The following VRK2 variants were observed in gnomAD, a reference collection of about 807,000 sequenced individuals.
VRK2 encodes VRK serine/threonine kinase 2.
In VRK2, 60 loss-of-function variants were observed where a neutral mutation model predicts 57.6. The observed-to-expected ratio is 1.04, with a 90% CI of 0.85 to 1.29. The LOEUF (loss-of-function observed/expected upper bound fraction) is 1.29. Among genes scored for constraint, VRK2 ranks in the 50% most tolerant of loss-of-function variants. The pLI, the probability that VRK2 is intolerant of heterozygous loss-of-function variation, is 0.00. For synonymous variants in VRK2, 231 were observed against 199.2 expected, an observed-to-expected ratio of 1.16 and a Z score of -1.35; for missense variants, 705 against 588.1, an observed-to-expected ratio of 1.20 and a Z score of -2.06.
chr2:57,942,862 G>C (rs1437434198), intron 1 of VRK2, among the ~76,000 whole-genome samples: 1 of 152,156 alleles, frequency 6.6e-6, no homozygotes, highest in African/African-American at 2.4e-5. Flanking sequence ...ACAGGCTCCT[G>C]CATATATCTC....
chr2:57,951,104 T>C (rs904354948), intron 1 of VRK2, among the ~76,000 whole-genome samples: 1 of 151,818 alleles, frequency 6.6e-6, no homozygotes, highest in African/African-American at 2.4e-5. Flanking sequence ...AAAAAAATAA[T>C]AAATAAATAA....
upstream of VRK2, chr2:58,046,584 C>T (rs2103743876): frequency 7.1e-6 from 7 of 985,612 alleles, no homozygotes; most frequent in Non-Finnish European, 8.4e-6. Flanking sequence ...GAGGTAGTAA[C>T]ACAGCTCCCA....
At chr2:58,117,618 G>A (rs966135449) in intron 7 of VRK2, among the ~76,000 whole-genome samples, 1 of 152,124 alleles carries the variant, frequency 6.6e-6, no homozygotes, top group African/African-American at 2.4e-5. Context: ...GTAAAAGAAT[G>A]CCTGGACGTC....
rs1272065236 is a variant in VRK2 at position 58,075,640 on chromosome 2, AC to A, written c.137-8447del. 3.8e-4 allele frequency among the ~76,000 whole-genome samples: 58 copies of A among 152,138 alleles called. 1 individual carries two copies. Among genetic ancestry groups the A allele is most frequent in the African/African-American group, 1.3e-3 (52 of 41,534 alleles). On this transcript the variant is annotated intron_variant, in intron 2 of 12. Transcript: ENST00000340157. ...TGGATTTACCTAATGATAAGTATAAACCTATTTTTTTGGTGGGGGGCCTATG... is the reference window on the plus strand; with the variant it reads ...TGGATTTACCTAATGATAAGTATAAACTATTTTTTTGGTGGGGGGCCTATG...
At chr2:57,937,232 G>C (rs1670943059) in intron 1 of VRK2, among the ~76,000 whole-genome samples, 1 of 152,126 alleles carries the variant, frequency 6.6e-6, no homozygotes, top group African/African-American at 2.4e-5. Flanking sequence ...TTGCTTTGGG[G>C]ACCTAGGATA....
intron 9 of VRK2, among the ~76,000 whole-genome samples, chr2:58,134,241 C>T (rs1679639545): frequency 6.6e-6 from 1 of 152,112 alleles, no homozygotes; most frequent in Non-Finnish European, 1.5e-5. Flanking sequence ...GGAAGGTCAC[C>T]CTCTCCCTTC....
Position 58,151,743 on chromosome 2 carries a change from T to TG in VRK2, c.1182+5269_1182+5270insG, listed in dbSNP as rs1268189334. ...TGCTTCTATGCTTGTTTTTTTTTTT[T>TG]TTTTTTTTTTTTTTTTTTTTTTTTG... On this transcript the variant is annotated intron_variant, in intron 12 of 12. Coordinates refer to ENST00000340157, the MANE Select transcript of VRK2 (RefSeq NM_006296.7). Among the ~76,000 whole-genome samples, 38 of 106,260 alleles carry TG rather than the reference T, an allele frequency of 3.6e-4. 1 individual carries two copies. Among genetic ancestry groups the TG allele is most frequent in the African/African-American group, 1.6e-3 (38 of 23,672 alleles). 69.7% of individuals were successfully genotyped at this position (106,260 alleles called of 152,430 possible).
chr2:57,910,929 T>C (rs541131695), intron 1 of VRK2, among the ~76,000 whole-genome samples: 93 of 152,314 alleles, frequency 6.1e-4, no homozygotes, highest in African/African-American at 2.2e-3. Flanking sequence ...ACACAGAGTT[T>C]GCAGACTAGG....
intron 7 of VRK2, among the ~76,000 whole-genome samples, chr2:58,107,241 G>T (rs1674890440): frequency 6.6e-6 from 1 of 152,062 alleles, no homozygotes; most frequent in Non-Finnish European, 1.5e-5. Flanking sequence ...CTTTAAAGTT[G>T]CTGAATACAT....
At chr2:58,135,241 G>T in intron 10 of VRK2, 42 bp downstream of exon 10, 1 of 1,610,032 alleles carries the variant, frequency 6.2e-7, no homozygotes. Flanking sequence ...ACGATTTACA[G>T]GTTGCCACAT....
At chr2:57,936,839 G>A (rs577271705) in intron 1 of VRK2, among the ~76,000 whole-genome samples, 2 of 152,254 alleles carry the variant, frequency 1.3e-5, no homozygotes, top group South Asian at 2.1e-4. Context: ...ATCCAGCTCT[G>A]CATTCAATTA....
chr2:58,106,888 A>G (rs1674834589), intron 7 of VRK2, among the ~76,000 whole-genome samples: 1 of 152,116 alleles, frequency 6.6e-6, no homozygotes, highest in African/African-American at 2.4e-5. Flanking sequence ...TACTTTGTCT[A>G]CATGGAATTG....
Position 58,123,128 on chromosome 2 carries a change from T to A in VRK2, c.571T>A (p.Tyr191Asn), listed in dbSNP as rs1459697627. 4 of 1,601,284 alleles carry A rather than the reference T, an allele frequency of 2.5e-6. No individual in the cohort carries two copies. Among genetic ancestry groups the A allele is most frequent in the Non-Finnish European group, 3.4e-6 (4 of 1,176,474 alleles). Reference sequence around the variant, plus strand: ...TTATCTTGCAGATTATGGACTTTCCTACAGATATTGTCCCAATGGGAACCA... The same window carrying A: ...TTATCTTGCAGATTATGGACTTTCCAACAGATATTGTCCCAATGGGAACCA... ...QVYLADYGLS[Y>N]RYCPNGNHKQ... Residue 191 changes from tyrosine to asparagine, a missense_variant, in exon 8 of 13, where the codon TAC (tyrosine) becomes AAC (asparagine). Coordinates refer to ENST00000340157, the MANE Select transcript of VRK2 (RefSeq NM_006296.7).
chr2:58,067,448 ATATTT>A, intron 2 of VRK2, among the ~76,000 whole-genome samples: 1 of 152,280 alleles, frequency 6.6e-6, no homozygotes, highest in Non-Finnish European at 1.5e-5. Context: ...AATATTTATT[ATATTT>A]AAATGTAATT....
At chr2:57,934,618 G>C (rs972716708) in intron 1 of VRK2, among the ~76,000 whole-genome samples, 1 of 152,108 alleles carries the variant, frequency 6.6e-6, no homozygotes, top group Admixed American at 6.6e-5. Flanking sequence ...TGTTCCCCCC[G>C]ATTTGGGACA....
At chr2:58,014,218 T>C (rs1382470198) in intron 1 of VRK2, among the ~76,000 whole-genome samples, 1 of 152,186 alleles carries the variant, frequency 6.6e-6, no homozygotes, top group Non-Finnish European at 1.5e-5. Context: ...TAGTCTGCCG[T>C]GCTATATTCC....
At position 58,159,712 on chromosome 2, in the gene VRK2, T is replaced by A; in HGVS notation, c.*19T>A. The stretch of plus-strand genomic sequence containing the variant: ...TCTCTGAAGATGATACCAAAATTCC[T>A]TTTGATAATTTTTTAAGTTTCCAGC... On this transcript the variant is annotated 3_prime_UTR_variant, in exon 13 of 13. Coordinates refer to ENST00000340157, the MANE Select transcript of VRK2 (RefSeq NM_006296.7). The A allele has an allele frequency of 6.2e-7, 1 of 1,612,034 alleles. No individual in the cohort carries two copies. Among genetic ancestry groups the A allele is most frequent in the Non-Finnish European group, 8.5e-7 (1 of 1,179,290 alleles).
Position 58,159,857 on chromosome 2 carries a change from G to T in VRK2, c.*164G>T. On this transcript the variant is annotated 3_prime_UTR_variant, in exon 13 of 13. Coordinates refer to ENST00000340157, the MANE Select transcript of VRK2 (RefSeq NM_006296.7). ...TGTGGACACTCTAAAAAATAAAATT[G>T]CTTTGTACTAGAAATAGTGTCATAG... The T allele has an allele frequency of 1.2e-6, 2 of 1,604,510 alleles. No individual in the cohort carries two copies. The highest frequency in any genetic ancestry group is 1.7e-6 in the Non-Finnish European group (2 of 1,176,196).
chr2:58,133,189 C>T (rs1679468395), intron 9 of VRK2, among the ~76,000 whole-genome samples: 1 of 151,716 alleles, frequency 6.6e-6, no homozygotes, highest in East Asian at 1.9e-4. Context: ...CAGATACATT[C>T]ATTATAGGTA....
Sources: gnomAD v4.1 joint callset for allele counts (sites outside exome capture counted in the v4.1 genomes callset) on GRCh38, gnomAD v4.1.1 for gene constraint, MANE v1.5 for transcripts, NCBI Gene and HGNC (gene_info 2026-07-23, HGNC 2026-07-21) for gene names.